Variants in SHCBP1L observed in about 807,000 individuals in gnomAD.
SHCBP1L encodes the protein SHC binding and spindle associated 1 like, also known as testicular spindle-associated protein SHCBP1L.
Under a neutral mutation model 62.5 loss-of-function variants are expected in SHCBP1L, and 67 were observed. That is an observed-to-expected ratio of 1.07 (90% CI 0.88 to 1.31). The LOEUF is 1.31. Ranked by LOEUF, SHCBP1L falls within the 40% of genes most tolerant of loss-of-function variation. The pLI, the probability that SHCBP1L is intolerant of heterozygous loss-of-function variation, is 0.00. For synonymous variants in SHCBP1L, 284 were observed against 289.4 expected, an observed-to-expected ratio of 0.98 and a Z score of 0.19; for missense variants, 823 against 809.8, an observed-to-expected ratio of 1.02 and a Z score of -0.20.
At chr1:182,930,256 CTCTT>C (rs904728330) in intron 5 of SHCBP1L, among the ~76,000 whole-genome samples, 48 of 152,050 alleles carry the variant, frequency 3.2e-4, no homozygotes, top group African/African-American at 1.1e-3. Flanking sequence ...TCCAGCTTCT[CTCTT>C]AGTTGTTTTT....
intron 2 of SHCBP1L, among the ~76,000 whole-genome samples, chr1:182,942,728 C>A (rs1006378863): frequency 6.6e-6 from 1 of 152,156 alleles, no homozygotes; most frequent in Non-Finnish European, 1.5e-5. Flanking sequence ...AGTATTAACA[C>A]AAACACTTCC....
intron 2 of SHCBP1L, among the ~76,000 whole-genome samples, chr1:182,948,721 A>G (rs1014690119): frequency 6.6e-6 from 1 of 152,216 alleles, no homozygotes; most frequent in African/African-American, 2.4e-5. Flanking sequence ...CTAATACAGC[A>G]TCTAAAGAAA....
chr1:182,925,735 G>A (rs1351029600), intron 6 of SHCBP1L, among the ~76,000 whole-genome samples: 3 of 152,046 alleles, frequency 2.0e-5, no homozygotes, highest in Non-Finnish European at 4.4e-5. Context: ...AAAACAAGTA[G>A]TCAGACAAAC....
chr1:182,912,197 T>G (rs553348139), intron 6 of SHCBP1L, among the ~76,000 whole-genome samples: 1 of 152,176 alleles, frequency 6.6e-6, no homozygotes, highest in East Asian at 1.9e-4. Flanking sequence ...CTCCCAGCTC[T>G]TAGGGAGGCA....
intron 6 of SHCBP1L, among the ~76,000 whole-genome samples, chr1:182,914,408 T>C (rs1016099287): frequency 1.3e-5 from 2 of 152,216 alleles, no homozygotes; most frequent in African/African-American, 2.4e-5. Context: ...GTTTCCTATA[T>C]AATTTAAGAT....
rs778585999 is a variant in SHCBP1L, at chr1:182,939,270, G to A, written c.982C>T (p.Pro328Ser). ...IEYQSNIKEDPSAAEAVECWK... is the reference protein window; with the variant it reads ...IEYQSNIKEDSSAAEAVECWK... Reference sequence around the variant, plus strand: ...CATTCAACAGCCTCTGCTGCAGATGGATCTTCTTTAATATTGCTCTGATAC... The same window carrying A: ...CATTCAACAGCCTCTGCTGCAGATGAATCTTCTTTAATATTGCTCTGATAC... The change falls in exon 5 of 10, where the codon CCA becomes TCA. Residue 328 changes from proline to serine, a missense_variant. Transcript: ENST00000367547. 3 of 1,613,894 alleles carry A rather than the reference G, an allele frequency of 1.9e-6. No homozygotes were observed. The highest frequency in any genetic ancestry group is 2.5e-6 in the Non-Finnish European group (3 of 1,179,922).
rs1486305739 is a variant in SHCBP1L at position 182,936,142 on chromosome 1, T to G, written c.1076+3034A>C. Reference sequence around the variant, plus strand: ...TTTTTTGTTTTTTGTTTTTTTTTTTTTTTTTTTTTTTGAGACAGAGTCTTA... The same window carrying G: ...TTTTTTGTTTTTTGTTTTTTTTTTTGTTTTTTTTTTTGAGACAGAGTCTTA... On this transcript the variant is annotated intron_variant, in intron 5 of 9. Coordinates refer to ENST00000367547, the MANE Select transcript of SHCBP1L (RefSeq NM_030933.4). Among the ~76,000 whole-genome samples the G allele has an allele frequency of 1.7e-3, 248 of 142,038 alleles. 1 individual carries two copies. The highest frequency in any genetic ancestry group is 2.4e-3 in the East Asian group (12 of 4,922). 93.2% of individuals were successfully genotyped at this position (142,038 alleles called of 152,430 possible). A position where few individuals can be genotyped will look rare whatever the true frequency, so the allele number is the denominator to read the frequency against.
intron 6 of SHCBP1L, among the ~76,000 whole-genome samples, chr1:182,917,279 G>C (rs1650383793): frequency 6.6e-6 from 1 of 152,148 alleles, no homozygotes; most frequent in Non-Finnish European, 1.5e-5. Context: ...GATGAAGTGA[G>C]ATTTATTCCA....
At chr1:182,915,812 T>TG (rs1278537209) in intron 6 of SHCBP1L, among the ~76,000 whole-genome samples, 1 of 150,960 alleles carries the variant, frequency 6.6e-6, no homozygotes, top group African/African-American at 2.4e-5. Flanking sequence ...TATTCTTTTT[T>TG]TTTTTTTTTT....
chr1:182,942,496 C>G, intron 2 of SHCBP1L: 1 of 628,440 alleles, frequency 1.6e-6, no homozygotes, highest in Non-Finnish European at 2.9e-6. Flanking sequence ...TGCCACTCCT[C>G]CCGCCGCCCG....
intron 6 of SHCBP1L, among the ~76,000 whole-genome samples, chr1:182,906,545 C>T (rs796310233): frequency 2.8e-4 from 42 of 152,098 alleles, no homozygotes; most frequent in African/African-American, 1.0e-3. Flanking sequence ...AATTCTCCCA[C>T]CTCAGCCTCC....
At chr1:182,945,549 A>G (rs974836092) in intron 2 of SHCBP1L, among the ~76,000 whole-genome samples, 1 of 152,040 alleles carries the variant, frequency 6.6e-6, no homozygotes, top group Non-Finnish European at 1.5e-5. Flanking sequence ...ATGTCTTCGT[A>G]TTTCTTGATT....
At chr1:182,931,678 T>C (rs1650999210) in intron 5 of SHCBP1L, among the ~76,000 whole-genome samples, 1 of 152,160 alleles carries the variant, frequency 6.6e-6, no homozygotes, top group African/African-American at 2.4e-5. Flanking sequence ...GTATCCCTTG[T>C]TCCCCCCGCA....
chr1:182,930,040 T>C (rs1650908398), intron 5 of SHCBP1L, among the ~76,000 whole-genome samples: 2 of 152,142 alleles, frequency 1.3e-5, no homozygotes. Context: ...AACCTTCCAA[T>C]ACAGTAGAAA....
intron 5 of SHCBP1L, among the ~76,000 whole-genome samples, chr1:182,930,734 T>G (rs1325177932): frequency 1.9e-5 from 2 of 105,628 alleles, no homozygotes; most frequent in Non-Finnish European, 4.0e-5. Context: ...TGTATTTTTT[T>G]TTTTTTTTTT....
intron 7 of SHCBP1L, 30 bp downstream of exon 7, chr1:182,905,466 A>G: frequency 6.2e-7 from 1 of 1,601,702 alleles, no homozygotes; most frequent in Non-Finnish European, 8.5e-7. Context: ...ACATTGCTGT[A>G]AAAAAAACTA....
chr1:182,947,166 G>A (rs1651592165), intron 2 of SHCBP1L, among the ~76,000 whole-genome samples: 2 of 150,868 alleles, frequency 1.3e-5, no homozygotes, highest in Non-Finnish European at 2.9e-5. Flanking sequence ...GAACCTGGGA[G>A]CTGGAGATTG....
intron 6 of SHCBP1L, among the ~76,000 whole-genome samples, chr1:182,926,008 A>C (rs1650733316): frequency 6.6e-6 from 1 of 152,202 alleles, no homozygotes; most frequent in South Asian, 2.1e-4. Flanking sequence ...AGAATCATAA[A>C]TCTACAGAGA....
chr1:182,909,612 G>A (rs1650116885), intron 6 of SHCBP1L, among the ~76,000 whole-genome samples: 1 of 152,120 alleles, frequency 6.6e-6, no homozygotes, highest in Non-Finnish European at 1.5e-5. Context: ...TCAAAATACA[G>A]TATTTGCAGG....
Sources: gnomAD v4.1 joint callset for allele counts (sites outside exome capture counted in the v4.1 genomes callset) on GRCh38, gnomAD v4.1.1 for gene constraint, MANE v1.5 for transcripts, NCBI Gene and HGNC (gene_info 2026-07-23, HGNC 2026-07-21) for gene names.